Variants in RGPD8 observed in about 807,000 individuals in gnomAD.
The protein encoded by RGPD8 is RANBP2 like and GRIP domain containing 8, also known as RANBP2-like and GRIP domain-containing protein 8.
A neutral mutation model predicts 89.1 loss-of-function variants in RGPD8; 15 were observed. The observed-to-expected ratio is 0.17, with a 90% CI of 0.11 to 0.26. RGPD8 has a LOEUF of 0.26. Ranked by LOEUF, RGPD8 falls within the 10% of genes least tolerant of loss-of-function variation. The pLI is 1.00. For synonymous variants in RGPD8, 62 were observed against 420.9 expected, an observed-to-expected ratio of 0.15 and a Z score of 10.44; for missense variants, 178 against 1,179.6, an observed-to-expected ratio of 0.15 and a Z score of 12.44.
chr2:112,377,814 TAGA>T (rs1678164375), intron 22 of RGPD8, among the ~76,000 whole-genome samples: 1 of 141,014 alleles, frequency 7.1e-6, no homozygotes, highest in Non-Finnish European at 1.5e-5. Flanking sequence ...TTCAAAGAGC[TAGA>T]AGATCAAGCT....
At position 112,432,899 on chromosome 2, in the gene RGPD8, G is replaced by C. The variant is rs1162873634; in HGVS notation, c.72+483C>G. On this transcript the variant is annotated intron_variant, in intron 1 of 22. Transcript: ENST00000302558. ...GCTAGCCGGCCTCCGCCTCAACAGAGCGCGCCAGGGAGCAGCGCCCTCGGG... is the reference window on the plus strand; with the variant it reads ...GCTAGCCGGCCTCCGCCTCAACAGACCGCGCCAGGGAGCAGCGCCCTCGGG... 3.3e-5 allele frequency among the ~76,000 whole-genome samples: 5 copies of C among 150,762 alleles called. No homozygotes were observed. The East Asian group carries it at 9.7e-4, about 29-fold the overall frequency.
At chr2:112,415,968 T>C (rs1374864367) in intron 6 of RGPD8, among the ~76,000 whole-genome samples, 38 of 152,274 alleles carry the variant, frequency 2.5e-4, no homozygotes, top group Admixed American at 7.2e-4. Context: ...TGTGTGCCTG[T>C]GGTCCCAGCT....
intron 1 of RGPD8, among the ~76,000 whole-genome samples, chr2:112,430,930 C>G (rs1680002168): frequency 6.6e-6 from 1 of 152,146 alleles, no homozygotes; most frequent in Admixed American, 6.5e-5. Flanking sequence ...GCACTCCAGC[C>G]TGGGAGACAG....
chr2:112,381,877 G>C (rs1678313084), intron 20 of RGPD8, among the ~76,000 whole-genome samples: 2 of 152,274 alleles, frequency 1.3e-5, no homozygotes, highest in African/African-American at 2.4e-5. Flanking sequence ...TTTCCATTTG[G>C]ACAGTGTGAT....
At chr2:112,370,359 G>GTTTTTTTTTTTTTTTTTTTTTT (rs1553500665) in intron 22 of RGPD8, 147 bp from the exon 23 acceptor site, 1 of 100,750 alleles carries the variant, frequency 9.9e-6, no homozygotes, top group African/African-American at 7.1e-5. Flanking sequence ...GGGGGGGGGG[G>GTTTTTTTTTTTTTTTTTTTTTT]TTCTTTTTTT....
intron 1 of RGPD8, among the ~76,000 whole-genome samples, chr2:112,425,713 C>T (rs574022123): frequency 6.0e-4 from 89 of 149,048 alleles, no homozygotes; most frequent in Admixed American, 2.0e-3. Flanking sequence ...GGGCCAAGAT[C>T]GCACCACTGA....
chr2:112,382,282 C>G (rs1467556540), intron 20 of RGPD8, among the ~76,000 whole-genome samples: 1 of 151,624 alleles, frequency 6.6e-6, no homozygotes, highest in African/African-American at 2.4e-5. Flanking sequence ...TCCAACCATC[C>G]AATTAGTTCT....
chr2:112,417,070 T>G (rs1435069988), intron 6 of RGPD8, 123 bp downstream of exon 6: 20 of 1,596,668 alleles, frequency 1.3e-5, no homozygotes, highest in Admixed American at 1.7e-5. Context: ...TTCACTGTAT[T>G]AACTATAACT....
At chr2:112,428,685 T>G (rs1679882252) in intron 1 of RGPD8, among the ~76,000 whole-genome samples, 1 of 152,018 alleles carries the variant, frequency 6.6e-6, no homozygotes, top group Admixed American at 6.6e-5. Flanking sequence ...AGTAAGGGTA[T>G]TCCAGGTAGA....
At chr2:112,431,706 G>C (rs1172448624) in intron 1 of RGPD8, among the ~76,000 whole-genome samples, 1 of 149,566 alleles carries the variant, frequency 6.7e-6, no homozygotes. Flanking sequence ...GCGCGATCTC[G>C]GCTCACTAGA....
intron 20 of RGPD8, among the ~76,000 whole-genome samples, chr2:112,385,950 T>C (rs1678468519): frequency 6.6e-6 from 1 of 152,264 alleles, no homozygotes. Flanking sequence ...ACACAGGTTA[T>C]ATTTTATTTC....
chr2:112,410,744 C>G (rs1433458259), intron 7 of RGPD8, among the ~76,000 whole-genome samples: 1 of 151,446 alleles, frequency 6.6e-6, no homozygotes, highest in Non-Finnish European at 1.5e-5. Context: ...CACCACTGCA[C>G]TCCAGCCTTG....
At chr2:112,370,465 C>T (rs1677933057) in intron 22 of RGPD8, among the ~76,000 whole-genome samples, 1 of 118,768 alleles carries the variant, frequency 8.4e-6, no homozygotes, top group Non-Finnish European at 1.7e-5. Flanking sequence ...CTTGATCTCC[C>T]AGGCTCAAGT....
At chr2:112,391,309 C>CT (rs1678701091) in intron 18 of RGPD8, among the ~76,000 whole-genome samples, 1 of 146,672 alleles carries the variant, frequency 6.8e-6, no homozygotes, top group South Asian at 2.2e-4. Context: ...TCAACAAGAA[C>CT]TACCTCGCAA....
chr2:112,431,589 TAA>T (rs1321794151), intron 1 of RGPD8, among the ~76,000 whole-genome samples: 3 of 151,568 alleles, frequency 2.0e-5, no homozygotes, highest in Non-Finnish European at 4.4e-5. Context: ...TTAGTTATGA[TAA>T]GAGACACAAT....
chr2:112,426,609 GA>G (rs1679777776), intron 1 of RGPD8, among the ~76,000 whole-genome samples: 1 of 145,108 alleles, frequency 6.9e-6, no homozygotes, highest in African/African-American at 2.6e-5. Flanking sequence ...GCATCTAAAA[GA>G]AAAAAATGCC....
chr2:112,409,474 G>A (rs1679081393), intron 7 of RGPD8, among the ~76,000 whole-genome samples: 1 of 130,128 alleles, frequency 7.7e-6, no homozygotes, highest in Admixed American at 7.6e-5. Flanking sequence ...CTGAGTGAAT[G>A]GATTAAGAGG....
chr2:112,426,749 G>C (rs565360524), intron 1 of RGPD8, among the ~76,000 whole-genome samples: 1 of 150,308 alleles, frequency 6.7e-6, no homozygotes, highest in East Asian at 2.0e-4. Context: ...AAAAAAAAAA[G>C]AACTATAGCA....
chr2:112,411,243 C>A (rs1490213863), intron 7 of RGPD8, among the ~76,000 whole-genome samples: 1 of 140,762 alleles, frequency 7.1e-6, no homozygotes, highest in Non-Finnish European at 1.5e-5. Flanking sequence ...CTTTTCCTTT[C>A]GAAAGTTATG....
Sources: allele counts gnomAD v4.1 joint callset (sites outside exome capture counted in the v4.1 genomes callset), GRCh38; gene constraint gnomAD v4.1.1; transcripts MANE v1.5; gene names NCBI Gene and HGNC (gene_info 2026-07-23, HGNC 2026-07-21).